The following CNTN3 variants were observed in gnomAD, a reference collection of about 807,000 sequenced individuals.
The protein encoded by CNTN3 is contactin 3, also known as contactin-3.
CNTN3 carries 60 observed loss-of-function variants against 119.1 expected under a neutral mutation model. That is an observed-to-expected ratio of 0.50 (90% confidence interval 0.41 to 0.62). The LOEUF is 0.62. Among genes scored for constraint, CNTN3 ranks in the 20% least tolerant of loss-of-function variants. The pLI is 0.00. For missense variants in CNTN3, 1,101 were observed against 1,242.4 expected (o/e 0.89, Z 1.71); for synonymous variants, 450 against 438.7 (o/e 1.03, Z -0.32).
intron 1 of CNTN3, among the ~76,000 whole-genome samples, chr3:74,581,691 GA>G (rs1270634621): frequency 1.3e-5 from 2 of 152,114 alleles, no homozygotes; most frequent in African/African-American, 4.8e-5. Context: ...GAACAAATTT[GA>G]AAGACTTACA....
intron 4 of CNTN3, among the ~76,000 whole-genome samples, chr3:74,434,032 T>C (rs536777242): frequency 2.9e-4 from 44 of 152,318 alleles, no homozygotes; most frequent in African/African-American, 1.0e-3. Context: ...AGGATCTCCA[T>C]CATGGGTCTT....
At chr3:74,284,435 C>A (rs558298929) in intron 20 of CNTN3, among the ~76,000 whole-genome samples, 1 of 152,270 alleles carries the variant, frequency 6.6e-6, no homozygotes, top group East Asian at 1.9e-4. Flanking sequence ...TCAAGCCATA[C>A]TTCTATCACC....
At position 74,290,650 on chromosome 3, in the gene CNTN3, T is replaced by C. The variant is rs149564252; in HGVS notation, c.2517+4471A>G. On this transcript the variant is annotated intron_variant, in intron 19 of 22. Coordinates refer to ENST00000263665, the MANE Select transcript of CNTN3 (RefSeq NM_020872.3). ...CAACATTGTTCATGGTGAGTGTGCA[T>C]GTCAGTCTCTCATCTGAGGACTGCC... is the stretch of plus-strand genomic sequence containing the variant. 1.8e-4 allele frequency among the ~76,000 whole-genome samples: 28 copies of C among 152,352 alleles called. No homozygotes were observed. The East Asian group carries it at 5.2e-3, about 28-fold the overall frequency.
intron 5 of CNTN3, among the ~76,000 whole-genome samples, chr3:74,393,942 G>T (rs2106834544): frequency 6.6e-6 from 1 of 152,236 alleles, no homozygotes; most frequent in East Asian, 1.9e-4. Flanking sequence ...CATCATAAAA[G>T]TACATTCTAT....
intron 2 of CNTN3, among the ~76,000 whole-genome samples, chr3:74,506,421 G>T (rs765655768): frequency 1.4e-4 from 21 of 152,114 alleles, no homozygotes; most frequent in Non-Finnish European, 2.6e-4. Context: ...TTATAGCGCA[G>T]GACATAATGT....
At chr3:74,413,074 T>C (rs1355546234) in intron 5 of CNTN3, among the ~76,000 whole-genome samples, 1 of 152,196 alleles carries the variant, frequency 6.6e-6, no homozygotes, top group Non-Finnish European at 1.5e-5. Context: ...CACTGGCCAT[T>C]AACAGTTACT....
chr3:74,270,342 C>T (rs886733179), intron 20 of CNTN3, among the ~76,000 whole-genome samples: 1 of 152,168 alleles, frequency 6.6e-6, no homozygotes, highest in Non-Finnish European at 1.5e-5. Flanking sequence ...GTTTGCTTTC[C>T]TCTCTTTTCT....
chr3:74,518,372 T>G (rs1378379271), intron 2 of CNTN3, among the ~76,000 whole-genome samples: 1 of 151,986 alleles, frequency 6.6e-6, no homozygotes, highest in Non-Finnish European at 1.5e-5. Context: ...AAATAAGTTT[T>G]TCTGTAAAAA....
chr3:74,599,309 T>C lies in CNTN3; in HGVS notation c.-81+15082A>G, dbSNP rs76613377. On this transcript the variant is annotated intron_variant, in intron 1 of 22. Transcript: ENST00000263665. ...ACAGACATGAAATAAGGGTAATGAG[T>C]GATAAAGAAAAGCAGAGCAAAAGAC... Among the ~76,000 whole-genome samples the C allele has an allele frequency of 4.1e-4, 62 of 151,854 alleles. No individual in the cohort carries two copies. In the East Asian group the frequency reaches 0.012, roughly 28 times the overall value.
At chr3:74,454,182 A>C (rs1207419580) in intron 4 of CNTN3, among the ~76,000 whole-genome samples, 23 of 127,692 alleles carry the variant, frequency 1.8e-4, no homozygotes, top group African/African-American at 6.3e-4. Flanking sequence ...TTGCTTTATG[A>C]ATCTGGGTGC....
chr3:74,598,409 T>C (rs1704848687), intron 1 of CNTN3, among the ~76,000 whole-genome samples: 1 of 152,068 alleles, frequency 6.6e-6, no homozygotes, highest in Non-Finnish European at 1.5e-5. Flanking sequence ...AAAGATGAGA[T>C]GTCTTTGAAG....
At position 74,368,410 on chromosome 3, in the gene CNTN3, G is replaced by C. The variant is rs1038387987; in HGVS notation, c.946+779C>G. Among the ~76,000 whole-genome samples the C allele has an allele frequency of 9.2e-5, 14 of 152,024 alleles. No individual in the cohort carries two copies. In the East Asian group the frequency reaches 2.3e-3, roughly 25 times the overall value. On this transcript the variant is annotated intron_variant, in intron 8 of 22. Coordinates refer to ENST00000263665, the MANE Select transcript of CNTN3 (RefSeq NM_020872.3). ...AGTGGTCAATTCCCACTAGTTTTGC[G>C]ATGTTTCTAATGATTAAAGTGCAAA...
chr3:74,610,372 C>T (rs936037912), intron 1 of CNTN3, among the ~76,000 whole-genome samples: 10 of 150,576 alleles, frequency 6.6e-5, no homozygotes, highest in South Asian at 2.1e-4. Context: ...TGTGTGCACA[C>T]GTGTGTGCGT....
rs1702603492 is a variant in CNTN3 at position 74,308,223 on chromosome 3, C to T, written c.1669-5416G>A. Reference sequence around the variant, plus strand: ...TCACCTTCATTACTAATGTACGCTGCTCATCCAAAAAGCAGAAAGAATTGG... The same window carrying T: ...TCACCTTCATTACTAATGTACGCTGTTCATCCAAAAAGCAGAAAGAATTGG... On this transcript the variant is annotated intron_variant, in intron 13 of 22. Coordinates refer to ENST00000263665, the MANE Select transcript of CNTN3 (RefSeq NM_020872.3). 2.6e-5 allele frequency among the ~76,000 whole-genome samples: 4 copies of T among 152,146 alleles called. No homozygotes were observed. The South Asian group carries it at 8.3e-4, about 32-fold the overall frequency.
rs1056287296 is a variant in CNTN3, at chr3:74,586,635, T to C, written c.-81+27756A>G. On this transcript the variant is annotated intron_variant, in intron 1 of 22. Transcript: ENST00000263665. ...CAATTTTCCCATCTAATCAAAGGGG[T>C]TAATAGTAATATCTACCTCATGAGT... Among the ~76,000 whole-genome samples, 8 of 152,150 alleles carry C rather than the reference T, an allele frequency of 5.3e-5. No homozygotes were observed. The East Asian group carries it at 1.5e-3, about 29-fold the overall frequency.
chr3:74,470,615 T>A (rs532687682), intron 4 of CNTN3, among the ~76,000 whole-genome samples: 3 of 152,068 alleles, frequency 2.0e-5, no homozygotes, highest in Non-Finnish European at 4.4e-5. Flanking sequence ...CGGGCAAACA[T>A]GAATGACAAG....
At chr3:74,543,928 G>A (rs1026020183) in intron 1 of CNTN3, among the ~76,000 whole-genome samples, 1 of 152,132 alleles carries the variant, frequency 6.6e-6, no homozygotes, top group African/African-American at 2.4e-5. Context: ...AGAAGGCCAA[G>A]TTCAAAGACT....
chr3:74,362,486 C>T (rs557226360), intron 10 of CNTN3, among the ~76,000 whole-genome samples: 1 of 152,280 alleles, frequency 6.6e-6, no homozygotes, highest in South Asian at 2.1e-4. Context: ...CATACATATG[C>T]ATGTATCAAG....
intron 20 of CNTN3, among the ~76,000 whole-genome samples, chr3:74,273,539 C>T (rs1177179120): frequency 3.3e-5 from 5 of 152,178 alleles, no homozygotes; most frequent in Non-Finnish European, 5.9e-5. Flanking sequence ...CACATACCCC[C>T]ACTGGGGAAA....
Sources: gnomAD v4.1 joint callset for allele counts (sites outside exome capture counted in the v4.1 genomes callset) on GRCh38, gnomAD v4.1.1 for gene constraint, MANE v1.5 for transcripts, NCBI Gene and HGNC (gene_info 2026-07-23, HGNC 2026-07-21) for gene names.